Variants in SULF1 observed in about 807,000 individuals in gnomAD.
SULF1 encodes the protein extracellular sulfatase Sulf-1.
A neutral mutation model predicts 110.5 loss-of-function variants in SULF1; 46 were observed. The ratio of observed to expected loss-of-function variants is 0.42; its 90% CI spans 0.33 to 0.53. The LOEUF is 0.53. Ranked by LOEUF, SULF1 falls within the 20% of genes least tolerant of loss-of-function variation. The pLI is 0.12. For missense variants in SULF1, 941 were observed against 1,094.2 expected, an observed-to-expected ratio of 0.86 and a Z score of 1.98; for synonymous variants, 371 against 387.1, an observed-to-expected ratio of 0.96 and a Z score of 0.49.
intron 14 of SULF1, among the ~76,000 whole-genome samples, chr8:69,622,560 G>A (rs938261178): frequency 1.3e-5 from 2 of 151,832 alleles, no homozygotes; most frequent in Non-Finnish European, 2.9e-5. Flanking sequence ...ACTCCAGCCT[G>A]GATGACAGAG....
chr8:69,635,638 G>A (rs543939482), intron 19 of SULF1, among the ~76,000 whole-genome samples: 18 of 152,274 alleles, frequency 1.2e-4, no homozygotes, highest in African/African-American at 3.6e-4. Context: ...TTGAGAGACC[G>A]AGGCAGGCAG....
intron 6 of SULF1, among the ~76,000 whole-genome samples, chr8:69,581,809 G>A (rs932450577): frequency 2.0e-5 from 3 of 152,116 alleles, no homozygotes; most frequent in Admixed American, 6.5e-5. Context: ...GATTACAAAC[G>A]AGTCTCAATG....
At chr8:69,484,450 A>G (rs758597625) in intron 1 of SULF1, among the ~76,000 whole-genome samples, 8 of 152,216 alleles carry the variant, frequency 5.3e-5, no homozygotes, top group Non-Finnish European at 1.2e-4. Context: ...GGACCTAAAA[A>G]TTAAGTTGGC....
chr8:69,574,200 G>T (rs913757454), intron 5 of SULF1, among the ~76,000 whole-genome samples: 1 of 151,838 alleles, frequency 6.6e-6, no homozygotes, highest in Non-Finnish European at 1.5e-5. Flanking sequence ...CTCTACCTTT[G>T]TTTTTTTTAT....
chr8:69,548,614 A>ATTTTTTT (rs3059933), intron 3 of SULF1, among the ~76,000 whole-genome samples: 4 of 120,912 alleles, frequency 3.3e-5, no homozygotes, highest in Non-Finnish European at 3.4e-5. Context: ...TGCCTCGCTG[A>ATTTTTTT]TTTTTTTTTT....
At chr8:69,520,897 G>T (rs1238374460) in intron 3 of SULF1, among the ~76,000 whole-genome samples, 1 of 152,154 alleles carries the variant, frequency 6.6e-6, no homozygotes, top group Non-Finnish European at 1.5e-5. Context: ...CTAAAATGAG[G>T]CCACTCAACC....
At chr8:69,516,451 AC>A (rs1811924886) in intron 3 of SULF1, among the ~76,000 whole-genome samples, 1 of 151,812 alleles carries the variant, frequency 6.6e-6, no homozygotes, top group Non-Finnish European at 1.5e-5. Flanking sequence ...AGGGAAATCC[AC>A]CCCCATGATC....
intron 15 of SULF1, among the ~76,000 whole-genome samples, chr8:69,626,648 C>G (rs1810068921): frequency 6.6e-6 from 1 of 152,218 alleles, no homozygotes. Context: ...AGCTAAGGCC[C>G]GGTGAGAAAT....
chr8:69,603,539 C>T, intron 11 of SULF1, 61 bp from the exon 12 acceptor site: 1 of 1,406,148 alleles, frequency 7.1e-7, no homozygotes, highest in South Asian at 1.2e-5. Context: ...AAGCTGTTAG[C>T]ACAGATCCAT....
Position 69,495,800 on chromosome 8 carries a change from A to G in SULF1, c.-355A>G, listed in dbSNP as rs1214321799. On this transcript the variant is annotated 5_prime_UTR_variant, in exon 2 of 23. Coordinates refer to ENST00000402687, the MANE Select transcript of SULF1 (RefSeq NM_001128205.2). ...CTTCTCTTGAACAAGGAACTCACTC[A>G]GAGACTAACACAAAGGAAGTAATTT... The G allele has an allele frequency of 6.6e-6, 1 of 152,252 alleles. No homozygotes were observed. Among genetic ancestry groups the G allele is most frequent in the Non-Finnish European group, 1.5e-5 (1 of 68,040 alleles). 9.4% of individuals were successfully genotyped at this position (152,252 alleles called of 1,614,324 possible).
intron 19 of SULF1, among the ~76,000 whole-genome samples, chr8:69,629,986 C>T (rs866265569): frequency 2.6e-5 from 4 of 152,144 alleles, no homozygotes; most frequent in African/African-American, 9.7e-5. Flanking sequence ...AGCTAAATAA[C>T]GCAAGGGATG....
rs1811226442 is a variant in SULF1, at chr8:69,638,506, A to C, written c.2289A>C (p.Gly763=). ...HWQTAPFWNL[G]SFCACTSSNN... ...TTTTTCTTTTTTACCCAACAGTGGG[A>C]TCTTTCTGTGCTTGCACGAGTTCTA... The change falls in exon 20 of 23, where the codon GGA becomes GGC. Residue 763 remains glycine, a synonymous_variant. Transcript: ENST00000402687. 1 of 1,611,170 alleles carries C rather than the reference A, an allele frequency of 6.2e-7. No individual in the cohort carries two copies. The highest frequency in any genetic ancestry group is 1.3e-5 in the African/African-American group (1 of 74,666).
At chr8:69,643,414 TAA>T (rs77783841) in intron 22 of SULF1, among the ~76,000 whole-genome samples, 4 of 131,070 alleles carry the variant, frequency 3.1e-5, no homozygotes, top group African/African-American at 5.4e-5. Context: ...TTTAGAAAAC[TAA>T]AAAAAAAAAA....
At chr8:69,489,846 C>T (rs555932476), upstream of SULF1, among the ~76,000 whole-genome samples, 2 of 152,008 alleles carry the variant, frequency 1.3e-5, no homozygotes, top group Admixed American at 6.6e-5. Context: ...GCCCGGCCCC[C>T]GCCTTCCGTT....
intron 13 of SULF1, among the ~76,000 whole-genome samples, chr8:69,618,686 G>A (rs1458571678): frequency 6.6e-6 from 1 of 152,180 alleles, no homozygotes. Context: ...CCCTGATATG[G>A]CTTGAAACAA....
chr8:69,531,077 G>T (rs544614664), intron 3 of SULF1, among the ~76,000 whole-genome samples: 1 of 152,080 alleles, frequency 6.6e-6, no homozygotes, highest in South Asian at 2.1e-4. Context: ...AGAATGGTTG[G>T]GGATCAAGAG....
chr8:69,600,543 T>C, intron 8 of SULF1, 60 bp from the exon 9 acceptor site: 4 of 1,479,550 alleles, frequency 2.7e-6, no homozygotes, highest in Non-Finnish European at 3.7e-6. Flanking sequence ...AACCTCGAGA[T>C]ATTTTCCTAA....
At chr8:69,570,643 A>G (rs1278480166) in intron 5 of SULF1, among the ~76,000 whole-genome samples, 2 of 152,168 alleles carry the variant, frequency 1.3e-5, no homozygotes, top group Non-Finnish European at 2.9e-5. Flanking sequence ...TCTAGCCACA[A>G]CCTATCACAT....
In SULF1 at chr8:69,576,167, C is replaced by T. The variant is rs774063520; in HGVS notation, c.370C>T (p.Arg124Trp). The T allele has an allele frequency of 2.7e-5, 44 of 1,614,164 alleles. No individual in the cohort carries two copies. The African/African-American group carries it at 4.0e-4, about 15-fold the overall frequency. Residue 124 changes from arginine (R) to tryptophan (W), a missense_variant, in exon 6 of 23, where the codon CGG becomes TGG. By Grantham distance (101) the Arg-to-Trp change is moderately radical. Transcript: ENST00000402687. ...SPSWQAMHEP[R>W]TFAVYLNNTG... The stretch of plus-strand genomic sequence containing the variant: ...CTCGTGGCAGGCCATGCATGAGCCT[C>T]GGACTTTTGCTGTATATCTTAACAA...
Sources: gnomAD v4.1 joint callset for allele counts (sites outside exome capture counted in the v4.1 genomes callset) on GRCh38, gnomAD v4.1.1 for gene constraint, MANE v1.5 for transcripts, NCBI Gene and HGNC (gene_info 2026-07-23, HGNC 2026-07-21) for gene names.